The following ZDHHC14 variants were observed in gnomAD, a reference collection of about 807,000 sequenced individuals.
ZDHHC14 encodes the protein palmitoyltransferase ZDHHC14.
ZDHHC14 carries 16 observed loss-of-function variants against 47.7 expected under a neutral mutation model. The ratio of observed to expected loss-of-function variants is 0.34; its 90% CI spans 0.23 to 0.51. The LOEUF (loss-of-function observed/expected upper bound fraction) is 0.51, where lower values mean the gene tolerates loss of function less well. Among genes scored for constraint, ZDHHC14 ranks in the 20% least tolerant of loss-of-function variants. ZDHHC14 has a pLI of 0.97. For missense variants in ZDHHC14, 515 were observed against 662.5 expected (o/e 0.78, Z 2.44); for synonymous variants, 293 against 278.9 (o/e 1.05, Z -0.50).
rs993676353 is a variant in ZDHHC14, at chr6:157,548,507, C to T, written c.406+5762C>T. Among the ~76,000 whole-genome samples, 57 of 152,140 alleles carry T rather than the reference C, an allele frequency of 3.7e-4. 1 individual carries two copies. Among genetic ancestry groups the T allele is most frequent in the Admixed American group, 3.3e-3 (51 of 15,272 alleles). Reference sequence around the variant, plus strand: ...TGTTGCCCAGGCTGGAGTGCAATGGCGCGATCTCAGCTCACCGCAACCTCT... The same window carrying T: ...TGTTGCCCAGGCTGGAGTGCAATGGTGCGATCTCAGCTCACCGCAACCTCT... On this transcript the variant is annotated intron_variant, in intron 2 of 8. Coordinates refer to ENST00000359775, the MANE Select transcript of ZDHHC14 (RefSeq NM_024630.3).
chr6:157,522,392 G>A (rs541829107), intron 1 of ZDHHC14, among the ~76,000 whole-genome samples: 2 of 152,288 alleles, frequency 1.3e-5, no homozygotes, highest in Non-Finnish European at 2.9e-5. Flanking sequence ...GTACATCTAG[G>A]TTCACAAACA....
chr6:157,573,202 C>T (rs1783166388), intron 2 of ZDHHC14, among the ~76,000 whole-genome samples: 1 of 152,194 alleles, frequency 6.6e-6, no homozygotes, highest in African/African-American at 2.4e-5. Context: ...CACTTACACC[C>T]TCTTGCCAGC....
intron 1 of ZDHHC14, among the ~76,000 whole-genome samples, chr6:157,462,193 TCTTA>T (rs2114815596): frequency 6.6e-6 from 1 of 152,254 alleles, no homozygotes; most frequent in East Asian, 1.9e-4. Context: ...TAGCTCTTTT[TCTTA>T]CTTACCCTGA....
At chr6:157,530,687 G>T (rs1449818426) in intron 1 of ZDHHC14, among the ~76,000 whole-genome samples, 5 of 151,932 alleles carry the variant, frequency 3.3e-5, no homozygotes, top group African/African-American at 4.8e-5. Flanking sequence ...CTACTCAAAA[G>T]CACCTTATTT....
rs557545837 is a variant in ZDHHC14, at chr6:157,388,245, A to G, written c.245+5979A>G. Among the ~76,000 whole-genome samples, 3 of 151,978 alleles carry G rather than the reference A, an allele frequency of 2.0e-5. No individual in the cohort carries two copies. In the South Asian group the frequency reaches 6.2e-4, roughly 31 times the overall value. ...TTTTTCTAATAAAACTCTGAAGGAT[A>G]CTATTGACTACACATGTTTTATTGT... On this transcript the variant is annotated intron_variant, in intron 1 of 8. Coordinates refer to ENST00000359775, the MANE Select transcript of ZDHHC14 (RefSeq NM_024630.3).
chr6:157,484,359 C>CAT (rs1006862743), intron 1 of ZDHHC14, among the ~76,000 whole-genome samples: 9 of 142,992 alleles, frequency 6.3e-5, no homozygotes, highest in African/African-American at 2.1e-4. Flanking sequence ...TATATACACA[C>CAT]ATATATACGT....
chr6:157,582,486 A>G lies in ZDHHC14; in HGVS notation c.407-10502A>G, dbSNP rs113587624. ...AAAAGATCTTACTTATCCCTCATTTATGAAGCTTAGTTTGGCCGGATATGA... is the reference window on the plus strand; with the variant it reads ...AAAAGATCTTACTTATCCCTCATTTGTGAAGCTTAGTTTGGCCGGATATGA... On this transcript the variant is annotated intron_variant, in intron 2 of 8. Transcript: ENST00000359775. The surrounding 1 kb of genome is among the most constrained non-coding windows in gnomAD (Gnocchi z 4.3). Among the ~76,000 whole-genome samples, 6 of 152,048 alleles carry G rather than the reference A, an allele frequency of 3.9e-5. No homozygotes were observed. Among genetic ancestry groups the G allele is most frequent in the Non-Finnish European group, 8.8e-5 (6 of 68,000 alleles).
intron 1 of ZDHHC14, among the ~76,000 whole-genome samples, chr6:157,437,714 C>A (rs564758157): frequency 6.6e-6 from 1 of 152,188 alleles, no homozygotes; most frequent in African/African-American, 2.4e-5. Flanking sequence ...CTCTTCTCTG[C>A]AACAGTGTTA....
intron 1 of ZDHHC14, among the ~76,000 whole-genome samples, chr6:157,538,838 G>T (rs188192610): frequency 1.3e-5 from 2 of 152,190 alleles, no homozygotes; most frequent in Non-Finnish European, 2.9e-5. Flanking sequence ...TTCCAGACAC[G>T]TGGGCTGGAC....
chr6:157,593,869 G>T (rs929003220), intron 3 of ZDHHC14, among the ~76,000 whole-genome samples: 1 of 152,234 alleles, frequency 6.6e-6, no homozygotes, highest in Non-Finnish European at 1.5e-5. Flanking sequence ...TGTGGCTGGA[G>T]CTGCCTAGAG....
At chr6:157,543,397 T>C (rs1187976237) in intron 2 of ZDHHC14, among the ~76,000 whole-genome samples, 4 of 152,192 alleles carry the variant, frequency 2.6e-5, no homozygotes, top group Non-Finnish European at 5.9e-5. Context: ...CTTAAAAGTT[T>C]GTGATTGTGA....
At chr6:157,568,048 G>A (rs909728225) in intron 2 of ZDHHC14, among the ~76,000 whole-genome samples, 15 of 152,136 alleles carry the variant, frequency 9.9e-5, no homozygotes, top group African/African-American at 2.9e-4. Flanking sequence ...CTTATAACCA[G>A]CCTTTAGGGG....
intron 2 of ZDHHC14, among the ~76,000 whole-genome samples, chr6:157,576,310 C>A (rs543592112): frequency 2.6e-4 from 39 of 152,308 alleles, no homozygotes; most frequent in Non-Finnish European, 4.9e-4. Context: ...CATTTTAATT[C>A]TCCAGTGGAA....
At chr6:157,487,325 C>T (rs927686442) in intron 1 of ZDHHC14, among the ~76,000 whole-genome samples, 7 of 152,210 alleles carry the variant, frequency 4.6e-5, no homozygotes, top group African/African-American at 1.7e-4. Context: ...TGCTGGGTGA[C>T]TCAGTTCCAG....
chr6:157,495,510 A>C (rs895711241), intron 1 of ZDHHC14, among the ~76,000 whole-genome samples: 7 of 152,126 alleles, frequency 4.6e-5, no homozygotes, highest in Non-Finnish European at 1.0e-4. Context: ...GCACAGCATC[A>C]GAGACCCCAG....
chr6:157,626,514 T>C (rs1290873072), intron 3 of ZDHHC14, among the ~76,000 whole-genome samples: 1 of 151,912 alleles, frequency 6.6e-6, no homozygotes, highest in African/African-American at 2.4e-5. Flanking sequence ...AACACTTAAT[T>C]TTTTTTAGAG....
At chr6:157,642,629 A>G (rs1243676168) in intron 5 of ZDHHC14, among the ~76,000 whole-genome samples, 1 of 151,966 alleles carries the variant, frequency 6.6e-6, no homozygotes, top group Non-Finnish European at 1.5e-5. Flanking sequence ...ATGATTTGAA[A>G]CCCATCCTCG....
At chr6:157,641,506 A>G (rs1004655027) in intron 5 of ZDHHC14, among the ~76,000 whole-genome samples, 6 of 152,288 alleles carry the variant, frequency 3.9e-5, no homozygotes, top group South Asian at 2.1e-4. Flanking sequence ...TCTTATCACA[A>G]TGTATGCCAG....
At chr6:157,671,588 G>A (rs1034685580) in intron 8 of ZDHHC14, among the ~76,000 whole-genome samples, 8 of 152,166 alleles carry the variant, frequency 5.3e-5, no homozygotes, top group African/African-American at 1.2e-4. Context: ...GAGGGTTTGC[G>A]GAGCTATCAG....
Sources: gnomAD v4.1 joint callset for allele counts (sites outside exome capture counted in the v4.1 genomes callset) on GRCh38, gnomAD v4.1.1 for gene constraint, Gnocchi (gnomAD v3.1) non-coding constraint, MANE v1.5 for transcripts, NCBI Gene and HGNC (gene_info 2026-07-23, HGNC 2026-07-21) for gene names.